LCMT1: variants seen among roughly 807,000 people sequenced by gnomAD.
The protein encoded by LCMT1 is leucine carboxyl methyltransferase 1.
LCMT1 carries 32 observed loss-of-function variants against 47.7 expected under a neutral mutation model. That is an observed-to-expected ratio of 0.67 (90% CI 0.51 to 0.90). LCMT1 has a LOEUF of 0.90. LCMT1 is among the 40% of genes least tolerant of loss of function. The pLI is 0.00. For missense variants in LCMT1, 375 were observed against 415.2 expected, an observed-to-expected ratio of 0.90 and a Z score of 0.84; for synonymous variants, 152 against 149.7, an observed-to-expected ratio of 1.02 and a Z score of -0.11.
chr16:25,122,942 G>A (rs948298198), intron 1 of LCMT1, among the ~76,000 whole-genome samples: 4 of 151,998 alleles, frequency 2.6e-5, no homozygotes, highest in Non-Finnish European at 4.4e-5. Flanking sequence ...TTGCCACTGT[G>A]CCCAGCTTCA....
chr16:25,111,949 C>T lies in LCMT1; in HGVS notation c.66C>T (p.Asp22=), dbSNP rs371800738. 2.0e-5 allele frequency: 33 copies of T among 1,613,496 alleles called. No homozygotes were observed. The African/African-American group carries it at 3.6e-4, about 18-fold the overall frequency. Reference sequence around the variant, plus strand: ...GTTCCACCTCGAGCTGCGACGCAGACGACGAGGGCGTGCGCGGCACCTGCG... The same window carrying T: ...GTTCCACCTCGAGCTGCGACGCAGATGACGAGGGCGTGCGCGGCACCTGCG... The part of the protein sequence containing the change: ...SCCSTSSCDA[D]DEGVRGTCED... The change falls in exon 1 of 11, where the codon GAC becomes GAT. Residue 22 remains aspartate (D), a synonymous_variant. Coordinates refer to ENST00000399069, the MANE Select transcript of LCMT1 (RefSeq NM_016309.3).
chr16:25,147,841 C>T (rs1960916170), intron 4 of LCMT1: 1 of 152,138 alleles, frequency 6.6e-6, no homozygotes, highest in Admixed American at 6.6e-5. Flanking sequence ...AGGAAGGCAC[C>T]CCCACACCCG....
intron 3 of LCMT1, among the ~76,000 whole-genome samples, chr16:25,137,479 C>G (rs1267013247): frequency 6.6e-6 from 1 of 152,052 alleles, no homozygotes; most frequent in East Asian, 1.9e-4. Flanking sequence ...GGATCTGGCT[C>G]GGTCTCCCAG....
chr16:25,129,156 A>T (rs1432975265), intron 2 of LCMT1, among the ~76,000 whole-genome samples: 1 of 151,516 alleles, frequency 6.6e-6, no homozygotes, highest in East Asian at 2.0e-4. Context: ...ACATGATCTC[A>T]TTCCTTTTTA....
rs1485783984 is a variant in LCMT1 at position 25,145,491 on chromosome 16, G to A, written c.404+5244G>A. 2.0e-5 allele frequency: 3 copies of A among 152,232 alleles called. No homozygotes were observed. The East Asian group carries it at 5.8e-4, about 29-fold the overall frequency. The allele number at this position is 152,232 out of a possible 1,614,324, so 9.4% of individuals were successfully genotyped here. On this transcript the variant is annotated intron_variant, in intron 4 of 10. Coordinates refer to ENST00000399069, the MANE Select transcript of LCMT1 (RefSeq NM_016309.3). Reference sequence around the variant, plus strand: ...AAGCAAAAAGATACAGGGATTCTGGGTGGAGAGGGCTACACAAAAGAAAGC... The same window carrying A: ...AAGCAAAAAGATACAGGGATTCTGGATGGAGAGGGCTACACAAAAGAAAGC...
chr16:25,117,332 C>T (rs1381917910), intron 1 of LCMT1, among the ~76,000 whole-genome samples: 2 of 152,134 alleles, frequency 1.3e-5, no homozygotes, highest in African/African-American at 2.4e-5. Context: ...CTTTTGATTC[C>T]CCATCAGCTG....
Position 25,151,557 on chromosome 16 carries a change from C to G in LCMT1, c.408C>G (p.Cys136Trp), listed in dbSNP as rs1412419656. 3.1e-6 allele frequency: 5 copies of G among 1,612,616 alleles called. No homozygotes were observed. Among genetic ancestry groups the G allele is most frequent in the Non-Finnish European group, 4.2e-6 (5 of 1,178,922 alleles). ...IVTRKLHSIK[C>W]KPPLSSPILE... ...CCTCTTTCCCATCTTCCCATAGATGCAAGCCTCCCCTATCCAGCCCCATTC... is the reference window on the plus strand; with the variant it reads ...CCTCTTTCCCATCTTCCCATAGATGGAAGCCTCCCCTATCCAGCCCCATTC... The change falls in exon 5 of 11, where the codon TGC (cysteine) becomes TGG (tryptophan). Residue 136 changes from cysteine to tryptophan, a missense_variant. Physicochemically the swap from Cys to Trp is radical, Grantham distance 215 (BLOSUM62 -2). Transcript: ENST00000399069.
chr16:25,141,918 G>A (rs1248466972), intron 4 of LCMT1: 1 of 152,184 alleles, frequency 6.6e-6, no homozygotes, highest in Non-Finnish European at 1.5e-5. Flanking sequence ...CATCCCAAGG[G>A]GCTATTCCAA....
At chr16:25,155,972 A>T (rs1279894671) in intron 5 of LCMT1, among the ~76,000 whole-genome samples, 1 of 152,106 alleles carries the variant, frequency 6.6e-6, no homozygotes, top group Admixed American at 6.5e-5. Flanking sequence ...GAGCCCCCGC[A>T]CCTGCTCCTG....
In LCMT1 at chr16:25,132,586, TA is replaced by T. The variant is rs1383104937; in HGVS notation, c.327+65del. 2.3e-3 allele frequency: 3,602 copies of T among 1,546,474 alleles called. 59 individuals carry two copies. In the African/African-American group the frequency reaches 0.044, roughly 19 times the overall value. ...AGATTTTTTTCGTTAGATTTTCACC[TA>T]ATTCGAAATGTAAACATATATTAAA... On this transcript the variant is annotated intron_variant, in intron 3 of 10. Transcript: ENST00000399069.
intron 1 of LCMT1, among the ~76,000 whole-genome samples, chr16:25,113,768 TG>T (rs1180994436): frequency 2.0e-5 from 3 of 152,180 alleles, no homozygotes; most frequent in Admixed American, 6.6e-5. Flanking sequence ...TCCAAGTAGC[TG>T]GGATCACAGG....
At chr16:25,114,813 T>C (rs1959736747) in intron 1 of LCMT1, among the ~76,000 whole-genome samples, 1 of 152,138 alleles carries the variant, frequency 6.6e-6, no homozygotes, top group Non-Finnish European at 1.5e-5. Flanking sequence ...GAGCTTTGTG[T>C]CCTCCTGTGT....
At chr16:25,121,614 C>G (rs1959990137) in intron 1 of LCMT1, among the ~76,000 whole-genome samples, 1 of 152,096 alleles carries the variant, frequency 6.6e-6, no homozygotes, top group Admixed American at 6.6e-5. Context: ...GGAGAGGCCT[C>G]AGGAAACTTA....
intron 7 of LCMT1, 120 bp from the exon 8 acceptor site, chr16:25,168,992 A>G (rs934045396): frequency 5.6e-6 from 4 of 717,984 alleles, no homozygotes; most frequent in Non-Finnish European, 9.7e-6. Flanking sequence ...TCCGTTTCCT[A>G]TGCTGGGTGT....
At chr16:25,157,411 C>T (rs923404648) in intron 5 of LCMT1, among the ~76,000 whole-genome samples, 4 of 151,926 alleles carry the variant, frequency 2.6e-5, no homozygotes, top group African/African-American at 9.7e-5. Context: ...AAAAATTAGC[C>T]AGGCATGGTG....
At chr16:25,137,685 C>T (rs1389406743) in intron 3 of LCMT1, among the ~76,000 whole-genome samples, 2 of 152,072 alleles carry the variant, frequency 1.3e-5, no homozygotes, top group Non-Finnish European at 2.9e-5. Context: ...CTCACGCACT[C>T]CTCCTGCCTG....
chr16:25,112,102 C>A, intron 1 of LCMT1, 106 bp downstream of exon 1: 1 of 766,162 alleles, frequency 1.3e-6, no homozygotes, highest in Non-Finnish European at 2.3e-6. Flanking sequence ...GGATGCAGCC[C>A]CCGCCTCGCA....
chr16:25,131,226 A>G (rs898476353), intron 2 of LCMT1, among the ~76,000 whole-genome samples: 20 of 152,266 alleles, frequency 1.3e-4, no homozygotes, highest in Non-Finnish European at 2.1e-4. Flanking sequence ...TTCTGAAAAC[A>G]AGGACATGCA....
chr16:25,155,921 A>G (rs1004522935), intron 5 of LCMT1, among the ~76,000 whole-genome samples: 6 of 152,178 alleles, frequency 3.9e-5, no homozygotes, highest in South Asian at 2.1e-4. Context: ...GGGTCAAACA[A>G]TCCTCCCGCC....
Sources: allele counts gnomAD v4.1 joint callset (sites outside exome capture counted in the v4.1 genomes callset), GRCh38; gene constraint gnomAD v4.1.1; transcripts MANE v1.5; gene names NCBI Gene and HGNC (gene_info 2026-07-23, HGNC 2026-07-21).